Variants in DMAC2 observed in about 807,000 individuals in gnomAD.
The protein encoded by DMAC2 is distal membrane-arm assembly complex protein 2.
In DMAC2, 32 loss-of-function variants were observed where a neutral mutation model predicts 29.6. The ratio of observed to expected loss-of-function variants is 1.08; its 90% CI spans 0.81 to 1.45. The LOEUF (loss-of-function observed/expected upper bound fraction) is 1.45, where lower values mean the gene tolerates loss of function less well. DMAC2 is among the 40% of genes most tolerant of loss of function. DMAC2 has a pLI of 0.00. For synonymous variants in DMAC2, 133 were observed against 137.4 expected (o/e 0.97, Z 0.23); for missense variants, 319 against 340.0 (o/e 0.94, Z 0.49).
chr19:41,439,263 T>C (rs2040029734), intron 1 of DMAC2: 1 of 494,476 alleles, frequency 2.0e-6, no homozygotes, highest in Non-Finnish European at 3.6e-6. Flanking sequence ...AAACCCTTAT[T>C]TTCCTCAAAA....
At chr19:41,432,492 G>C in intron 5 of DMAC2, 84 bp from the exon 6 acceptor site, 1 of 1,337,356 alleles carries the variant, frequency 7.5e-7, no homozygotes, top group East Asian at 2.3e-5. Flanking sequence ...GCGTGTGCGT[G>C]TGTGTGTGTG....
Position 41,433,288 on chromosome 19 carries a change from A to C in DMAC2, c.580T>G (p.Cys194Gly). 1 of 1,609,278 alleles carries C rather than the reference A, an allele frequency of 6.2e-7. No homozygotes were observed. Among genetic ancestry groups the C allele is most frequent in the Non-Finnish European group, 8.5e-7 (1 of 1,179,296 alleles). Residue 194 changes from cysteine (C) to glycine (G), a missense_variant, in exon 5 of 6, where the codon TGC (cysteine) becomes GGC (glycine). Transcript: ENST00000221943. ...CPRISERGLA[C>G]LHHLQNLRRL... is the part of the protein sequence containing the mutation. ...AGGTCTCACTGGAGGTGGTGGAGGC[A>C]GGCGAGGCCCCGTTCGGAGATGCGG...
rs1422170728 is a variant in DMAC2, at chr19:41,432,426, G to A, written c.597-18C>T. 6.2e-6 allele frequency: 10 copies of A among 1,611,654 alleles called. No homozygotes were observed. Among genetic ancestry groups the A allele is most frequent in the Non-Finnish European group, 8.5e-6 (10 of 1,179,296 alleles). On this transcript the variant is annotated intron_variant, in intron 5 of 5. Coordinates refer to ENST00000221943, the MANE Select transcript of DMAC2 (RefSeq NM_018035.3). Reference sequence around the variant, plus strand: ...GGAGGTTCCTGAAAAGGGGTGAGAAGGACAGGAAGCCAGTGTAAGGACAGC... The same window carrying A: ...GGAGGTTCCTGAAAAGGGGTGAGAAAGACAGGAAGCCAGTGTAAGGACAGC...
At chr19:41,433,164 G>A (rs972713865) in intron 5 of DMAC2, 108 bp downstream of exon 5, 37 of 1,221,798 alleles carry the variant, frequency 3.0e-5, no homozygotes, top group Admixed American at 2.4e-4. Flanking sequence ...ATGGATGCAG[G>A]GGGATATGAG....
chr19:41,432,537 G>T, intron 5 of DMAC2, 129 bp from the exon 6 acceptor site: 2 of 834,530 alleles, frequency 2.4e-6, no homozygotes, highest in Non-Finnish European at 3.8e-6. Flanking sequence ...GACAGCGTGT[G>T]TGTGTATAGG....
At chr19:41,432,928 C>T in intron 5 of DMAC2, 1 of 510,358 alleles carries the variant, frequency 2.0e-6, no homozygotes, top group East Asian at 3.1e-5. Flanking sequence ...AGGTACTGGC[C>T]CCAAATTTCA....
intron 5 of DMAC2, chr19:41,432,651 A>AGCGTGT (rs2039592682): frequency 2.9e-6 from 1 of 342,472 alleles, no homozygotes; most frequent in African/African-American, 5.3e-5. Flanking sequence ...GGTACAGGAC[A>AGCGTGT]GCGTGTGTGT....
intron 1 of DMAC2, 178 bp downstream of exon 1, chr19:41,439,704 C>A (rs957883531): frequency 3.2e-5 from 42 of 1,302,406 alleles, no homozygotes; most frequent in Middle Eastern, 2.2e-4. Context: ...CGCCTGCGAC[C>A]CTCACAGATC....
chr19:41,439,520 TCC>T, intron 1 of DMAC2: 1 of 1,537,072 alleles, frequency 6.5e-7, no homozygotes, highest in South Asian at 1.2e-5. Flanking sequence ...CCTCGAACAA[TCC>T]CTTCCAAGCT....
intron 3 of DMAC2, among the ~76,000 whole-genome samples, chr19:41,435,270 C>CATT (rs748887079): frequency 1.3e-5 from 2 of 151,772 alleles, no homozygotes; most frequent in Admixed American, 1.3e-4. Context: ...CACGCCCAGC[C>CATT]ATTATTATTA....
At chr19:41,432,606 T>G (rs2039586222) in intron 5 of DMAC2, 198 bp from the exon 6 acceptor site, 2 of 534,108 alleles carry the variant, frequency 3.7e-6, no homozygotes, top group Non-Finnish European at 3.3e-6. Context: ...GGTAAGCCAG[T>G]GTAAGGACAG....
intron 4 of DMAC2, 37 bp downstream of exon 4, chr19:41,433,500 A>T (rs781888833): frequency 6.2e-7 from 1 of 1,613,698 alleles, no homozygotes. Flanking sequence ...AAGGGAAAAC[A>T]TAGAGGCCTG....
chr19:41,435,719 C>A (rs111841006), intron 3 of DMAC2, among the ~76,000 whole-genome samples: 3,959 of 152,132 alleles, frequency 0.026, 169 homozygotes, highest in African/African-American at 0.09. Context: ...GCCACCATAC[C>A]TGGCTAATTT....
intron 3 of DMAC2, among the ~76,000 whole-genome samples, chr19:41,433,950 T>C (rs988890527): frequency 1.3e-5 from 2 of 149,170 alleles, no homozygotes; most frequent in African/African-American, 5.0e-5. Context: ...AATACAAAAA[T>C]TGGCCAGGTG....
intron 1 of DMAC2, among the ~76,000 whole-genome samples, chr19:41,438,641 ATTG>A (rs782598662): frequency 6.6e-6 from 1 of 152,180 alleles, no homozygotes; most frequent in Non-Finnish European, 1.5e-5. Context: ...CTAGCCATAT[ATTG>A]TTGATTTTCC....
Position 41,431,612 on chromosome 19 carries a change from CGAA to C in DMAC2, c.*616_*618del. The C allele has an allele frequency of 3.5e-6, 1 of 287,452 alleles. No homozygotes were observed. The highest frequency in any genetic ancestry group is 6.9e-6 in the Non-Finnish European group (1 of 145,712). The allele number at this position is 287,452 out of a possible 1,614,324, so 17.8% of individuals were successfully genotyped here. On this transcript the variant is annotated 3_prime_UTR_variant, in exon 6 of 6. Coordinates refer to ENST00000221943, the MANE Select transcript of DMAC2 (RefSeq NM_018035.3). ...GCAGAAGCACAACCAACAAGAACCA[CGAA>C]GGAGGCGCCTTTCCTCCTATAATGC...
Position 41,432,706 on chromosome 19 carries a change from CGTGTGT to C in DMAC2, c.597-304_597-299del, listed in dbSNP as rs72065187. On this transcript the variant is annotated intron_variant, in intron 5 of 5. Coordinates refer to ENST00000221943, the MANE Select transcript of DMAC2 (RefSeq NM_018035.3). ...GGGAGATAAGCCAGTATAAGGACAG[CGTGTGT>C]GTGTGTGTGTGTGTGTGTAGGGAGG... 1,830 of 208,882 alleles carry C rather than the reference CGTGTGT, an allele frequency of 8.8e-3. 58 individuals carry two copies. The highest frequency in any genetic ancestry group is 0.081 in the African/African-American group (1,622 of 19,930). 12.9% of individuals were successfully genotyped at this position (208,882 alleles called of 1,614,324 possible).
Position 41,439,878 on chromosome 19 carries a change from T to C in DMAC2, c.18+4A>G. The C allele has an allele frequency of 1.2e-6, 2 of 1,614,168 alleles. No homozygotes were observed. Among genetic ancestry groups the C allele is most frequent in the East Asian group, 4.5e-5 (2 of 44,882 alleles). ...TTGGGGCTCTAGGAACTCCGGTCAC[T>C]TACCGCCCAGGGAGCCGCCATCTTG... On this transcript the variant is annotated splice_donor_region_variant and intron_variant, in intron 1 of 5. Coordinates refer to ENST00000221943, the MANE Select transcript of DMAC2 (RefSeq NM_018035.3).
At position 41,433,553 on chromosome 19, in the gene DMAC2, C is replaced by T. The variant is rs782095277; in HGVS notation, c.417G>A (p.Glu139=). ...VDAGDCDINY[E]GLDNLLRLKE... The stretch of plus-strand genomic sequence containing the variant: ...CGCACTCACGGAGGTTATCCAGGCC[C>T]TCGTAGTTGATGTCACAGTCACCGG... The change falls in exon 4 of 6, where the codon GAG becomes GAA. Residue 139 remains glutamate (E), a synonymous_variant. Transcript: ENST00000221943. The T allele has an allele frequency of 2.9e-5, 47 of 1,614,062 alleles. No individual in the cohort carries two copies. The highest frequency in any genetic ancestry group is 2.4e-5 in the Non-Finnish European group (28 of 1,180,022).
Sources: allele counts gnomAD v4.1 joint callset (sites outside exome capture counted in the v4.1 genomes callset), GRCh38; gene constraint gnomAD v4.1.1; transcripts MANE v1.5; gene names NCBI Gene and HGNC (gene_info 2026-07-23, HGNC 2026-07-21).